The following GDPD3 variants were observed in gnomAD, a reference collection of about 807,000 sequenced individuals.
GDPD3 encodes glycerophosphodiester phosphodiesterase domain containing 3, also known as lysophospholipase D GDPD3.
In GDPD3, 40 loss-of-function variants were observed where a neutral mutation model predicts 43.7. The observed-to-expected ratio is 0.91, with a 90% CI of 0.71 to 1.19. The LOEUF (loss-of-function observed/expected upper bound fraction) is 1.19. Ranked by LOEUF, GDPD3 falls within the 50% of genes most tolerant of loss-of-function variation. The pLI is 0.00. For synonymous variants in GDPD3, 145 were observed against 162.9 expected, an observed-to-expected ratio of 0.89 and a Z score of 0.84; for missense variants, 363 against 415.8, an observed-to-expected ratio of 0.87 and a Z score of 1.11.
chr16:30,109,046 G>A (rs991139011), intron 7 of GDPD3, among the ~76,000 whole-genome samples: 3 of 152,038 alleles, frequency 2.0e-5, no homozygotes, highest in South Asian at 2.1e-4. Flanking sequence ...TAGCCAGGAT[G>A]GTCTCGATCT....
Position 30,112,615 on chromosome 16 carries a change from G to T in GDPD3, c.318+43C>A. On this transcript the variant is annotated intron_variant, in intron 3 of 9. Coordinates refer to ENST00000406256, the MANE Select transcript of GDPD3 (RefSeq NM_024307.3). The surrounding 1 kb of genome is among the most constrained non-coding windows in gnomAD (Gnocchi z 5.4). ...TCACTAGAGGCCCGCATTGGGCATG[G>T]TGACTCTCAGGGTGGGGGTTGGGGT... The T allele has an allele frequency of 6.2e-7, 1 of 1,614,046 alleles. No individual in the cohort carries two copies. The highest frequency in any genetic ancestry group is 1.3e-5 in the African/African-American group (1 of 75,028).
intron 6 of GDPD3, 32 bp from the exon 7 acceptor site, chr16:30,111,553 T>C: frequency 6.2e-7 from 1 of 1,611,826 alleles, no homozygotes; most frequent in Non-Finnish European, 8.5e-7. Context: ...TGAGAATCTG[T>C]CTGCTCTGGG....
chr16:30,112,655 C>T lies in GDPD3; in HGVS notation c.318+3G>A, dbSNP rs2072911730. On this transcript the variant is annotated splice_donor_region_variant and intron_variant, in intron 3 of 9. Coordinates refer to ENST00000406256, the MANE Select transcript of GDPD3 (RefSeq NM_024307.3). The surrounding 1 kb of genome is among the most constrained non-coding windows in gnomAD (Gnocchi z 5.4). Reference sequence around the variant, plus strand: ...GGGGTTGGGGTGTCAGGGCAGGGCCCACCTCGAAGTCCAGGCTGCCCACAT... The same window carrying T: ...GGGGTTGGGGTGTCAGGGCAGGGCCTACCTCGAAGTCCAGGCTGCCCACAT... 1.2e-6 allele frequency: 2 copies of T among 1,614,126 alleles called. No homozygotes were observed. Among genetic ancestry groups the T allele is most frequent in the Non-Finnish European group, 1.7e-6 (2 of 1,180,006 alleles).
Position 30,112,653 on chromosome 16 carries a change from C to A in GDPD3, c.318+5G>T. 1 of 1,614,002 alleles carries A rather than the reference C, an allele frequency of 6.2e-7. No individual in the cohort carries two copies. Among genetic ancestry groups the A allele is most frequent in the Non-Finnish European group, 8.5e-7 (1 of 1,179,958 alleles). On this transcript the variant is annotated splice_donor_5th_base_variant and intron_variant, in intron 3 of 9. Coordinates refer to ENST00000406256, the MANE Select transcript of GDPD3 (RefSeq NM_024307.3). This position sits in a 1 kb window ranked among gnomAD's most constrained non-coding sequence, Gnocchi z 5.4. ...TGGGGGTTGGGGTGTCAGGGCAGGG[C>A]CCACCTCGAAGTCCAGGCTGCCCAC... is the stretch of plus-strand genomic sequence containing the variant.
In GDPD3 at chr16:30,111,387, C is replaced by T. The variant is rs1235913568; in HGVS notation, c.707+1G>A. ...TTCTGAGGTCCGCCCCCCACTGGTA[C>T]CTGTTGATGATGTTGGGCAGGAAGC... On this transcript the variant is annotated splice_donor_variant, in intron 7 of 9. Transcript: ENST00000406256. LOFTEE classifies it high-confidence loss of function. 9 of 1,613,562 alleles carry T rather than the reference C, an allele frequency of 5.6e-6. No individual in the cohort carries two copies. The highest frequency in any genetic ancestry group is 4.0e-5 in the African/African-American group (3 of 74,932).
At chr16:30,109,546 C>T (rs2072885465) in intron 7 of GDPD3, among the ~76,000 whole-genome samples, 1 of 151,908 alleles carries the variant, frequency 6.6e-6, no homozygotes, top group African/African-American at 2.4e-5. Flanking sequence ...GTGGTTCACG[C>T]CTGTAATCCC....
At chr16:30,107,501 A>G (rs1321153024) in intron 9 of GDPD3, among the ~76,000 whole-genome samples, 1 of 152,060 alleles carries the variant, frequency 6.6e-6, no homozygotes, top group African/African-American at 2.4e-5. Context: ...TTACTAATTA[A>G]ATGATCTGGT....
rs758578117 is a variant in GDPD3, at chr16:30,112,629, G to A, written c.318+29C>T. On this transcript the variant is annotated intron_variant, in intron 3 of 9. Transcript: ENST00000406256. This position sits in a 1 kb window ranked among gnomAD's most constrained non-coding sequence, Gnocchi z 5.4. The stretch of plus-strand genomic sequence containing the variant: ...CATTGGGCATGGTGACTCTCAGGGT[G>A]GGGGTTGGGGTGTCAGGGCAGGGCC... 9 of 1,614,038 alleles carry A rather than the reference G, an allele frequency of 5.6e-6. No homozygotes were observed. The highest frequency in any genetic ancestry group is 7.6e-6 in the Non-Finnish European group (9 of 1,179,934).
intron 6 of GDPD3, 122 bp from the exon 7 acceptor site, chr16:30,111,643 C>T (rs2072900583): frequency 1.3e-5 from 14 of 1,089,146 alleles, no homozygotes; most frequent in Non-Finnish European, 1.9e-5. Context: ...ATCCAAGTCA[C>T]ATCTTGGGGC....
intron 7 of GDPD3, 21 bp downstream of exon 7, chr16:30,111,367 A>C: frequency 6.2e-7 from 1 of 1,611,806 alleles, no homozygotes; most frequent in Non-Finnish European, 8.5e-7. Context: ...AGTTTTTCTG[A>C]GGTCCGCCCC....
In GDPD3 at chr16:30,112,466, C is replaced by A; in HGVS notation, c.365-42G>T. 6.2e-7 allele frequency: 1 copy of A among 1,613,728 alleles called. No individual in the cohort carries two copies. Among genetic ancestry groups the A allele is most frequent in the Non-Finnish European group, 8.5e-7 (1 of 1,179,652 alleles). ...AAAAGGGGTCAGAGGGAAGCCAAGG[C>A]GGAGGTCCAAGGAAGGCAGGCATGG... On this transcript the variant is annotated intron_variant, in intron 4 of 9. Coordinates refer to ENST00000406256, the MANE Select transcript of GDPD3 (RefSeq NM_024307.3). The surrounding 1 kb of genome is among the most constrained non-coding windows in gnomAD (Gnocchi z 5.4).
At chr16:30,105,452 G>A (rs1360748383) in intron 9 of GDPD3, among the ~76,000 whole-genome samples, 1 of 133,420 alleles carries the variant, frequency 7.5e-6, no homozygotes, top group Non-Finnish European at 1.6e-5. Flanking sequence ...ACAAGACCTC[G>A]TCTCAAAAAA....
Position 30,104,855 on chromosome 16 carries a change from C to T in GDPD3, c.*17G>A. ...ATTTTTCAGGAAGAGAAACAGGAGA[C>T]CTCGAGGCTTCTGGACTTAGGAGGT... On this transcript the variant is annotated 3_prime_UTR_variant, in exon 10 of 10. Transcript: ENST00000406256. 6.2e-7 allele frequency: 1 copy of T among 1,611,108 alleles called. No homozygotes were observed. Among genetic ancestry groups the T allele is most frequent in the African/African-American group, 1.3e-5 (1 of 74,900 alleles).
chr16:30,109,052 G>A (rs371524199), intron 7 of GDPD3, among the ~76,000 whole-genome samples: 172 of 152,036 alleles, frequency 1.1e-3, no homozygotes, highest in South Asian at 6.7e-3. Context: ...GGATGGTCTC[G>A]ATCTCCTGAC....
rs1029600145 is a variant in GDPD3 at position 30,104,862 on chromosome 16, G to T, written c.*10C>A. The T allele has an allele frequency of 7.4e-6, 12 of 1,611,158 alleles. No homozygotes were observed. The African/African-American group carries it at 1.3e-4, about 18-fold the overall frequency. ...AGGAAGAGAAACAGGAGACCTCGAG[G>T]CTTCTGGACTTAGGAGGTCCGGGCA... On this transcript the variant is annotated 3_prime_UTR_variant, in exon 10 of 10. Transcript: ENST00000406256.
In GDPD3 at chr16:30,108,257, T is replaced by A. The variant is rs778669550; in HGVS notation, c.775A>T (p.Met259Leu). The change falls in exon 9 of 10, where the codon ATG (methionine) becomes TTG (leucine). Residue 259 changes from methionine (M) to leucine (L), a missense_variant. Transcript: ENST00000406256. ...LLAVVSKWLI[M>L]RKSLIRHLEE... ...AAGTGTCGGATCAGACTCTTCCTCATGATCAGCCTGGGGGTGGGGTGGGGA... is the reference window on the plus strand; with the variant it reads ...AAGTGTCGGATCAGACTCTTCCTCAAGATCAGCCTGGGGGTGGGGTGGGGA... 1.2e-6 allele frequency: 2 copies of A among 1,611,194 alleles called. No individual in the cohort carries two copies. The highest frequency in any genetic ancestry group is 1.7e-6 in the Non-Finnish European group (2 of 1,178,484).
chr16:30,104,995 G>T lies in GDPD3; in HGVS notation c.834C>A (p.Cys278Ter), dbSNP rs1220718243. 6.2e-7 allele frequency: 1 copy of T among 1,609,732 alleles called. No homozygotes were observed. Among genetic ancestry groups the T allele is most frequent in the South Asian group, 1.1e-5 (1 of 90,410 alleles). Residue 278 changes from cysteine (C) to a stop codon, truncating the protein, a stop_gained, in exon 10 of 10, where the codon TGC (cysteine) becomes TGA (stop). Transcript: ENST00000406256. LOFTEE classifies it high-confidence loss of function. ...EERGVQVVFWCLNEESDFEAA... is the reference protein window; with the variant it reads ...EERGVQVVFW ...CTTCAAAATCCGACTCTTCATTAAG[G>T]CACCAAAAGACCACCTGAGCAGGGA...
intron 7 of GDPD3, 56 bp downstream of exon 7, chr16:30,111,332 T>C (rs1388780732): frequency 2.5e-6 from 4 of 1,585,126 alleles, no homozygotes; most frequent in Non-Finnish European, 3.4e-6. Context: ...GGGCTCCTTC[T>C]CCACGGAGAC....
Position 30,112,303 on chromosome 16 carries a change from C to T in GDPD3, c.483+3G>A. On this transcript the variant is annotated splice_donor_region_variant and intron_variant, in intron 5 of 9. Transcript: ENST00000406256. The surrounding 1 kb of genome is among the most constrained non-coding windows in gnomAD (Gnocchi z 5.4). ...GCCGCCCTAGCCCTGCCTGCAGCAC[C>T]ACCTCACGGATGAGCTCTTCGTTCT... 6.2e-7 allele frequency: 1 copy of T among 1,614,030 alleles called. No individual in the cohort carries two copies. The highest frequency in any genetic ancestry group is 8.5e-7 in the Non-Finnish European group (1 of 1,179,850).
Sources: gnomAD v4.1 joint callset for allele counts (sites outside exome capture counted in the v4.1 genomes callset) on GRCh38, gnomAD v4.1.1 for gene constraint, Gnocchi (gnomAD v3.1) non-coding constraint, MANE v1.5 for transcripts, NCBI Gene and HGNC (gene_info 2026-07-23, HGNC 2026-07-21) for gene names.